The following ABI3BP variants were observed in gnomAD, a reference collection of about 807,000 sequenced individuals.
ABI3BP encodes the protein ABI family member 3 binding protein.
In ABI3BP, 216 loss-of-function variants were observed where a neutral mutation model predicts 268.6. That is an observed-to-expected ratio of 0.80 (90% CI 0.72 to 0.90). The LOEUF is 0.90. ABI3BP is among the 40% of genes least tolerant of loss of function. The pLI is 0.00. For synonymous variants in ABI3BP, 730 were observed against 730.0 expected (o/e 1.00, Z 0.00); for missense variants, 2,090 against 2,182.4 (o/e 0.96, Z 0.84).
intron 63 of ABI3BP, among the ~76,000 whole-genome samples, chr3:100,755,146 G>C (rs1418196194): frequency 6.6e-6 from 1 of 152,180 alleles, no homozygotes; most frequent in Non-Finnish European, 1.5e-5. Flanking sequence ...TCACTGTGGA[G>C]TTTGAACTAC....
At chr3:100,874,194 TGG>T (rs905915814) in intron 9 of ABI3BP, among the ~76,000 whole-genome samples, 1 of 150,968 alleles carries the variant, frequency 6.6e-6, no homozygotes, top group Admixed American at 6.6e-5. Flanking sequence ...GGGTTGGTGG[TGG>T]GGGGTGGTGG....
At chr3:100,959,776 C>G (rs1447957334) in intron 1 of ABI3BP, among the ~76,000 whole-genome samples, 1 of 152,126 alleles carries the variant, frequency 6.6e-6, no homozygotes, top group African/African-American at 2.4e-5. Context: ...CTGTGGTGCA[C>G]TGGGGTAGCC....
intron 4 of ABI3BP, among the ~76,000 whole-genome samples, chr3:100,897,574 T>A (rs1021894904): frequency 6.6e-6 from 1 of 152,190 alleles, no homozygotes; most frequent in Non-Finnish European, 1.5e-5. Flanking sequence ...CCATACTATA[T>A]GACTCCATTT....
At chr3:100,959,219 G>A (rs1020394667) in intron 1 of ABI3BP, among the ~76,000 whole-genome samples, 28 of 152,184 alleles carry the variant, frequency 1.8e-4, no homozygotes, top group Non-Finnish European at 3.1e-4. Context: ...GGCCGGGCGC[G>A]GTGGCTCACG....
intron 62 of ABI3BP, among the ~76,000 whole-genome samples, chr3:100,768,234 G>A (rs993917013): frequency 3.3e-5 from 5 of 151,920 alleles, no homozygotes; most frequent in Middle Eastern, 3.4e-3. Context: ...GGCTACAGGC[G>A]CCCGCCACCA....
At chr3:100,904,880 A>C (rs184809174) in intron 2 of ABI3BP, among the ~76,000 whole-genome samples, 1 of 152,362 alleles carries the variant, frequency 6.6e-6, no homozygotes, top group East Asian at 1.9e-4. Flanking sequence ...AGAACTAGAA[A>C]TACCATTTGA....
intron 17 of ABI3BP, among the ~76,000 whole-genome samples, chr3:100,849,415 G>C (rs888775692): frequency 1.3e-5 from 2 of 151,908 alleles, no homozygotes; most frequent in Admixed American, 6.6e-5. Flanking sequence ...CTAGAGATGG[G>C]ATTTCACCAT....
chr3:100,945,562 A>T (rs1462594480), intron 1 of ABI3BP: 1 of 413,380 alleles, frequency 2.4e-6, no homozygotes, highest in Non-Finnish European at 4.7e-6. Context: ...TCTGGTAATT[A>T]AATATAAATG....
chr3:100,826,733 G>C (rs1158330385), intron 34 of ABI3BP, among the ~76,000 whole-genome samples: 1 of 152,076 alleles, frequency 6.6e-6, no homozygotes, highest in African/African-American at 2.4e-5. Context: ...CCAAACAAAA[G>C]CACTCAAGAG....
intron 9 of ABI3BP, among the ~76,000 whole-genome samples, chr3:100,869,988 A>G (rs2153226225): frequency 6.6e-6 from 1 of 152,094 alleles, no homozygotes; most frequent in South Asian, 2.1e-4. Flanking sequence ...CTCATTATTC[A>G]CACCATGTGT....
At chr3:100,761,110 T>C (rs2095917022) in intron 63 of ABI3BP, among the ~76,000 whole-genome samples, 1 of 152,154 alleles carries the variant, frequency 6.6e-6, no homozygotes, top group Admixed American at 6.5e-5. Context: ...CTCCCACTTA[T>C]AAGAGAACAT....
chr3:100,954,975 CTTTTT>C (rs71299382), intron 1 of ABI3BP, among the ~76,000 whole-genome samples: 4 of 94,754 alleles, frequency 4.2e-5, no homozygotes, highest in East Asian at 6.3e-4. Context: ...TAAATTTTGT[CTTTTT>C]TTTTTTTTTT....
At chr3:100,936,252 G>T (rs1434336810) in intron 1 of ABI3BP, among the ~76,000 whole-genome samples, 3 of 152,062 alleles carry the variant, frequency 2.0e-5, no homozygotes, top group Non-Finnish European at 4.4e-5. Context: ...TTTTGTCATT[G>T]GTTCTGTTTA....
chr3:100,756,545 C>T (rs898273119), intron 63 of ABI3BP, among the ~76,000 whole-genome samples: 1 of 151,790 alleles, frequency 6.6e-6, no homozygotes, highest in Admixed American at 6.6e-5. Context: ...CAAAACAAAA[C>T]AAAAAAGCCC....
intron 2 of ABI3BP, among the ~76,000 whole-genome samples, chr3:100,917,326 G>A (rs1318218550): frequency 6.6e-6 from 1 of 152,072 alleles, no homozygotes; most frequent in African/African-American, 2.4e-5. Context: ...ATAGCACTTG[G>A]TATGACCCAC....
chr3:100,966,747 CCTT>C (rs945979476), intron 1 of ABI3BP, among the ~76,000 whole-genome samples: 3 of 152,084 alleles, frequency 2.0e-5, no homozygotes, highest in Admixed American at 6.6e-5. Flanking sequence ...GTGAGAATGT[CCTT>C]CTTCTTCTTC....
intron 6 of ABI3BP, among the ~76,000 whole-genome samples, chr3:100,876,937 G>A (rs942000847): frequency 1.3e-5 from 2 of 152,260 alleles, no homozygotes; most frequent in Admixed American, 6.5e-5. Flanking sequence ...GCAGTAAGCC[G>A]AGATCATGCC....
chr3:100,832,800 G>A (rs1265098764), intron 30 of ABI3BP, among the ~76,000 whole-genome samples: 3 of 152,052 alleles, frequency 2.0e-5, no homozygotes, highest in Non-Finnish European at 4.4e-5. Flanking sequence ...AAACAGAAAG[G>A]TGCATAAAGA....
chr3:100,846,692 A>G (rs2098773038), intron 19 of ABI3BP: 2 of 324,056 alleles, frequency 6.2e-6, no homozygotes, highest in Non-Finnish European at 1.1e-5. Context: ...TAGCATTACT[A>G]CTAAATAGTC....
Sources: gnomAD v4.1 joint callset for allele counts (sites outside exome capture counted in the v4.1 genomes callset) on GRCh38, gnomAD v4.1.1 for gene constraint, MANE v1.5 for transcripts, NCBI Gene and HGNC (gene_info 2026-07-23, HGNC 2026-07-21) for gene names.